The following FREM1 variants were observed in gnomAD, a reference collection of about 807,000 sequenced individuals.
FREM1 encodes FRAS1 related extracellular matrix 1.
Under a neutral mutation model 210.1 loss-of-function variants are expected in FREM1, and 220 were observed. That is an observed-to-expected ratio of 1.05 (90% CI 0.94 to 1.17). The LOEUF is 1.17. Among genes scored for constraint, FREM1 ranks in the 50% most tolerant of loss-of-function variants. The pLI is 0.00. For missense variants in FREM1, 3,454 were observed against 2,675.5 expected (o/e 1.29, Z -6.42); for synonymous variants, 1,189 against 980.2 (o/e 1.21, Z -3.98).
intron 8 of FREM1, among the ~76,000 whole-genome samples, chr9:14,844,225 C>CTTTT (rs35686371): frequency 6.5e-5 from 9 of 138,782 alleles, no homozygotes; most frequent in Non-Finnish European, 4.7e-5. Flanking sequence ...ACAACTCTTC[C>CTTTT]TTTTTTTTTT....
In FREM1 at chr9:14,841,474, A is replaced by C; in HGVS notation, c.1854T>G (p.His618Gln). The C allele has an allele frequency of 6.2e-7, 1 of 1,610,838 alleles. No homozygotes were observed. The highest frequency in any genetic ancestry group is 8.5e-7 in the Non-Finnish European group (1 of 1,177,744). The part of the protein sequence containing the change: ...DSFQFVLWDS[H>Q]EPPNLSVPQV... Reference sequence around the variant, plus strand: ...GTGGCACTGAAAGATTTGGAGGTTCATGGCTGTCCCACAGGACAAATTGAA... The same window carrying C: ...GTGGCACTGAAAGATTTGGAGGTTCCTGGCTGTCCCACAGGACAAATTGAA... The change falls in exon 10 of 37, where the codon CAT (histidine) becomes CAG (glutamine). Residue 618 changes from histidine to glutamine, a missense_variant. By Grantham distance (24) the His-to-Gln change is conservative (BLOSUM62 0). Coordinates refer to ENST00000380880, the MANE Select transcript of FREM1 (RefSeq NM_001379081.2).
chr9:14,850,262 T>C lies in FREM1; in HGVS notation c.1152+1022A>G, dbSNP rs538962317. ...GAACCTGCAGCAAAAGGAAATTAGA[T>C]AGAAGTAGGACCTTCCCGATGGACT... is the stretch of plus-strand genomic sequence containing the variant. On this transcript the variant is annotated intron_variant, in intron 6 of 36. Coordinates refer to ENST00000380880, the MANE Select transcript of FREM1 (RefSeq NM_001379081.2). Among the ~76,000 whole-genome samples, 340 of 152,178 alleles carry C rather than the reference T, an allele frequency of 2.2e-3. 2 individuals carry two copies. Among genetic ancestry groups the C allele is most frequent in the Non-Finnish European group, 3.7e-3 (253 of 68,034 alleles).
intron 5 of FREM1, among the ~76,000 whole-genome samples, chr9:14,852,703 A>G (rs376289129): frequency 6.6e-6 from 1 of 152,294 alleles, no homozygotes; most frequent in South Asian, 2.1e-4. Flanking sequence ...AGAAAAGAAA[A>G]GAATCCTCAT....
chr9:14,742,007 T>G (rs1841658224), intron 35 of FREM1, among the ~76,000 whole-genome samples: 1 of 152,196 alleles, frequency 6.6e-6, no homozygotes, highest in South Asian at 2.1e-4. Flanking sequence ...TCAAGACAGG[T>G]AAAATGTTAA....
chr9:14,819,379 G>C lies in FREM1; in HGVS notation c.2401C>G (p.Leu801Val), dbSNP rs746722084. Residue 801 changes from leucine (L) to valine (V), a missense_variant, in exon 14 of 37, where the codon CTA (leucine) becomes GTA (valine). Coordinates refer to ENST00000380880, the MANE Select transcript of FREM1 (RefSeq NM_001379081.2). ...AGCTTGGTATCTGCATCAGAAATTA[G>C]AATGTGCTCTGTGCTGATGATGCTT... The part of the protein sequence containing the change: ...GQSIISTEHI[L>V]ISDADTKLDN... The C allele has an allele frequency of 3.1e-6, 5 of 1,613,470 alleles. No individual in the cohort carries two copies. The highest frequency in any genetic ancestry group is 4.2e-6 in the Non-Finnish European group (5 of 1,179,624).
rs1484168143 is a variant in FREM1, at chr9:14,775,906, C to G, written c.4740G>C (p.Arg1580=). 1 of 1,613,806 alleles carries G rather than the reference C, an allele frequency of 6.2e-7. No individual in the cohort carries two copies. Among genetic ancestry groups the G allele is most frequent in the African/African-American group, 1.3e-5 (1 of 74,906 alleles). Residue 1580 remains arginine (R), a synonymous_variant, in exon 25 of 37, where the codon CGG becomes CGC. Coordinates refer to ENST00000380880, the MANE Select transcript of FREM1 (RefSeq NM_001379081.2). ...QDVDSKNVAY[R]HSGGDSQTDC... ...CAGTCTGGGAGTCCCCTCCTGAGTG[C>G]CGATAGGCCACATTCTTGCTGTCCA...
intron 1 of FREM1, among the ~76,000 whole-genome samples, chr9:14,900,483 TG>T (rs1838585743): frequency 6.6e-6 from 1 of 151,890 alleles, no homozygotes; most frequent in East Asian, 1.9e-4. Flanking sequence ...TTAGTCAGGG[TG>T]GAACGCAGCG....
At chr9:14,800,394 A>AT (rs1444999936) in intron 20 of FREM1, among the ~76,000 whole-genome samples, 1 of 152,234 alleles carries the variant, frequency 6.6e-6, no homozygotes, top group African/African-American at 2.4e-5. Flanking sequence ...CTTTTCTCAG[A>AT]TTTTTAAAAG....
Position 14,910,252 on chromosome 9 carries a change from G to A in FREM1, c.-606C>T, listed in dbSNP as rs1382348172. 6.6e-6 allele frequency: 1 copy of A among 152,296 alleles called. No individual in the cohort carries two copies. The highest frequency in any genetic ancestry group is 2.4e-5 in the African/African-American group (1 of 41,470). 9.4% of individuals were successfully genotyped at this position (152,296 alleles called of 1,614,324 possible). On this transcript the variant is annotated 5_prime_UTR_variant, in exon 1 of 37. Transcript: ENST00000380880. ...TCAGGACTCCCTGTGAGAAGGGCATGATAAAGATGCCTTCTACTGTTTACA... is the reference window on the plus strand; with the variant it reads ...TCAGGACTCCCTGTGAGAAGGGCATAATAAAGATGCCTTCTACTGTTTACA...
chr9:14,885,086 G>A (rs145570827), intron 1 of FREM1, among the ~76,000 whole-genome samples: 10,389 of 120,712 alleles, frequency 0.086, 2,140 homozygotes, highest in African/African-American at 0.3. Context: ...CACCGCGCCC[G>A]GCTAATTTTT....
At chr9:14,878,429 C>A (rs191423383) in intron 1 of FREM1, among the ~76,000 whole-genome samples, 6 of 152,298 alleles carry the variant, frequency 3.9e-5, no homozygotes, top group Admixed American at 3.9e-4. Flanking sequence ...AAGTTCCCAT[C>A]AAATGTCACA....
Position 14,737,429 on chromosome 9 carries a change from T to C in FREM1, c.6507A>G (p.Lys2169=), listed in dbSNP as rs776325200. 1 of 1,613,798 alleles carries C rather than the reference T, an allele frequency of 6.2e-7. No homozygotes were observed. The highest frequency in any genetic ancestry group is 8.5e-7 in the Non-Finnish European group (1 of 1,179,824). ...TTCTGGAACACACATAATTATGAGG[T>C]TTGGCTCTCCTACAGTCTTTTGTTT... ...KWQTKDCRRA[K]PHNYVCSRKL is the part of the protein sequence containing the mutation. The change falls in exon 37 of 37, where the codon AAA becomes AAG. Residue 2169 remains lysine (K), a synonymous_variant. Transcript: ENST00000380880.
intron 1 of FREM1, among the ~76,000 whole-genome samples, chr9:14,903,411 T>A (rs936935181): frequency 2.0e-5 from 3 of 152,008 alleles, no homozygotes; most frequent in African/African-American, 7.3e-5. Context: ...GAGTGGGTCA[T>A]TATATCACAG....
intron 1 of FREM1, among the ~76,000 whole-genome samples, chr9:14,879,084 G>C (rs536496418): frequency 6.6e-6 from 1 of 151,568 alleles, no homozygotes; most frequent in East Asian, 1.9e-4. Flanking sequence ...TTGAACCTGG[G>C]AGGCGGAGGT....
rs1563796342 is a variant in FREM1, at chr9:14,737,446, C to T, written c.6490G>A (p.Asp2164Asn). The change falls in exon 37 of 37, where the codon GAC (aspartate) becomes AAC (asparagine). Residue 2164 changes from aspartate to asparagine, a missense_variant. Physicochemically the swap from Asp to Asn is conservative, Grantham distance 23. Transcript: ENST00000380880. ...TTATGAGGTTTGGCTCTCCTACAGT[C>T]TTTTGTTTGCCATTTCCCTTGTCTT... is the stretch of plus-strand genomic sequence containing the variant. ...VQRQGKWQTK[D>N]CRRAKPHNYV... 6.2e-7 allele frequency: 1 copy of T among 1,613,856 alleles called. No individual in the cohort carries two copies. Among genetic ancestry groups the T allele is most frequent in the Non-Finnish European group, 8.5e-7 (1 of 1,179,844 alleles).
At chr9:14,892,282 C>CTCTT (rs1836954590) in intron 1 of FREM1, among the ~76,000 whole-genome samples, 1 of 152,062 alleles carries the variant, frequency 6.6e-6, no homozygotes, top group Non-Finnish European at 1.5e-5. Context: ...GGCTTCCAAC[C>CTCTT]CAAAGGAAAA....
chr9:14,844,280 C>T lies in FREM1; in HGVS notation c.1394-1620G>A, dbSNP rs181118789. ...TCCCTCTGTCGCCCAGGCTGGAGTG[C>T]AGTGGCGTGATCTCAGCTCACTGCA... is the stretch of plus-strand genomic sequence containing the variant. On this transcript the variant is annotated intron_variant, in intron 8 of 36. Transcript: ENST00000380880. 8.1e-3 allele frequency among the ~76,000 whole-genome samples: 1,212 copies of T among 150,486 alleles called. 19 individuals carry two copies. The highest frequency in any genetic ancestry group is 0.028 in the African/African-American group (1,147 of 40,972).
At chr9:14,782,717 C>T (rs753909498) in intron 24 of FREM1, among the ~76,000 whole-genome samples, 11 of 152,294 alleles carry the variant, frequency 7.2e-5, no homozygotes, top group African/African-American at 1.9e-4. Flanking sequence ...ACAACAACAA[C>T]GACAGTAAGA....
chr9:14,777,149 C>T (rs1457614615), intron 24 of FREM1, among the ~76,000 whole-genome samples: 2 of 152,172 alleles, frequency 1.3e-5, no homozygotes, highest in East Asian at 1.9e-4. Flanking sequence ...AAAAAGAAAG[C>T]TGAAATGATA....
Sources: gnomAD v4.1 joint callset for allele counts (sites outside exome capture counted in the v4.1 genomes callset) on GRCh38, gnomAD v4.1.1 for gene constraint, MANE v1.5 for transcripts, NCBI Gene and HGNC (gene_info 2026-07-23, HGNC 2026-07-21) for gene names.